The following LGI2 variants were observed in gnomAD, a reference collection of about 807,000 sequenced individuals.
LGI2 encodes leucine rich repeat LGI family member 2.
In LGI2, 30 loss-of-function variants were observed where a neutral mutation model predicts 52.0. That is an observed-to-expected ratio of 0.58 (90% CI 0.43 to 0.78). The LOEUF (loss-of-function observed/expected upper bound fraction) is 0.78, where lower values mean the gene tolerates loss of function less well. Ranked by LOEUF, LGI2 falls within the 30% of genes least tolerant of loss-of-function variation. LGI2 has a pLI of 0.00. For missense variants in LGI2, 573 were observed against 692.5 expected, an observed-to-expected ratio of 0.83 and a Z score of 1.94; for synonymous variants, 270 against 271.8, an observed-to-expected ratio of 0.99 and a Z score of 0.06.
chr4:25,012,072 T>C (rs1044077029), intron 7 of LGI2, among the ~76,000 whole-genome samples: 2 of 152,154 alleles, frequency 1.3e-5, no homozygotes, highest in Non-Finnish European at 2.9e-5. Flanking sequence ...TCACCACTAC[T>C]AGAAAATGCC....
chr4:24,999,971 G>A lies in LGI2; in HGVS notation c.*3480C>T, dbSNP rs753155286. The A allele has an allele frequency of 2.5e-6, 1 of 402,850 alleles. No individual in the cohort carries two copies. Among genetic ancestry groups the A allele is most frequent in the Non-Finnish European group, 5.1e-6 (1 of 197,112 alleles). The allele number at this position is 402,850 out of a possible 1,614,324, so 25.0% of individuals were successfully genotyped here. A position where few individuals can be genotyped will look rare whatever the true frequency, so the allele number is the denominator to read the frequency against. On this transcript the variant is annotated 3_prime_UTR_variant, in exon 8 of 8. Transcript: ENST00000382114. ...TCAACATCCTCCCCATAGCTATGCA[G>A]GGGGAGAAACAACCAGACCAGCTAG...
intron 3 of LGI2, 150 bp downstream of exon 3, chr4:25,026,718 A>G: frequency 7.7e-6 from 5 of 651,052 alleles, no homozygotes; most frequent in Admixed American, 2.5e-5. Flanking sequence ...CAAGTAAACT[A>G]TAAAAGGTCA....
Position 25,009,963 on chromosome 4 carries a change from T to C in LGI2, c.820+2372A>G, listed in dbSNP as rs543091859. ...TTTTATCTAGTTTATTCACTGCCGT[T>C]TCCCCAGCATCAAGAACATGCCTGG... is the stretch of plus-strand genomic sequence containing the variant. On this transcript the variant is annotated intron_variant, in intron 7 of 7. Coordinates refer to ENST00000382114, the MANE Select transcript of LGI2 (RefSeq NM_018176.4). Among the ~76,000 whole-genome samples the C allele has an allele frequency of 4.6e-5, 7 of 152,250 alleles. No homozygotes were observed. The South Asian group carries it at 1.5e-3, about 32-fold the overall frequency.
At chr4:24,993,951 T>C (rs966079454), downstream of LGI2, among the ~76,000 whole-genome samples, 1 of 152,190 alleles carries the variant, frequency 6.6e-6, no homozygotes, top group South Asian at 2.1e-4. Context: ...GATACTCCAC[T>C]TTGCTGAAAA....
rs533464898 is a variant in LGI2, at chr4:25,016,042, CAGA to C, written c.655+1944_655+1946del. On this transcript the variant is annotated intron_variant, in intron 6 of 7. Transcript: ENST00000382114. ...TCATGAAGACAAATACTGCATGAGA[CAGA>C]GAAGGCTCTAAAATGTGTTAAGGCC... Among the ~76,000 whole-genome samples the C allele has an allele frequency of 1.5e-3, 235 of 152,296 alleles. 2 individuals carry two copies. The highest frequency in any genetic ancestry group is 5.4e-3 in the African/African-American group (224 of 41,558).
At chr4:25,010,668 C>T (rs765438213) in intron 7 of LGI2, among the ~76,000 whole-genome samples, 1 of 152,194 alleles carries the variant, frequency 6.6e-6, no homozygotes, top group Non-Finnish European at 1.5e-5. Context: ...AAGAAGAGAG[C>T]TTTTGTCCTC....
chr4:25,020,638 C>T (rs1725925313), intron 4 of LGI2, among the ~76,000 whole-genome samples: 1 of 152,174 alleles, frequency 6.6e-6, no homozygotes, highest in Non-Finnish European at 1.5e-5. Flanking sequence ...ATCATAATGA[C>T]CCATCCCAGA....
intron 1 of LGI2, among the ~76,000 whole-genome samples, chr4:25,029,266 A>C (rs1459720729): frequency 6.6e-6 from 1 of 152,224 alleles, no homozygotes; most frequent in African/African-American, 2.4e-5. Context: ...GGATTTAATA[A>C]GGGGAACTCT....
downstream of LGI2, among the ~76,000 whole-genome samples, chr4:24,997,892 T>A (rs1725129114): frequency 6.6e-6 from 1 of 151,028 alleles, no homozygotes; most frequent in Non-Finnish European, 1.5e-5. Flanking sequence ...CATTTTTTTT[T>A]AAGAGATGGT....
chr4:25,014,703 T>C (rs1423428815), intron 6 of LGI2, among the ~76,000 whole-genome samples: 2 of 151,886 alleles, frequency 1.3e-5, no homozygotes, highest in Non-Finnish European at 1.5e-5. Context: ...TGATGGTGCA[T>C]GCCTGTAGTC....
chr4:25,007,185 T>C (rs925600423), intron 7 of LGI2, among the ~76,000 whole-genome samples: 1 of 152,228 alleles, frequency 6.6e-6, no homozygotes, highest in African/African-American at 2.4e-5. Context: ...TGCTCTACTG[T>C]TGGACATTGC....
chr4:25,019,520 C>T (rs1043160976), intron 4 of LGI2, among the ~76,000 whole-genome samples: 2 of 152,092 alleles, frequency 1.3e-5, no homozygotes, highest in Non-Finnish European at 2.9e-5. Flanking sequence ...AAAGTTCCTT[C>T]GGTGGCATGC....
chr4:25,027,222 A>G (rs575710341), intron 2 of LGI2, among the ~76,000 whole-genome samples: 43 of 152,264 alleles, frequency 2.8e-4, no homozygotes, highest in African/African-American at 1.0e-3. Flanking sequence ...TGACTTTAAA[A>G]CATTATAATG....
chr4:25,019,535 C>T (rs571862556), intron 4 of LGI2, among the ~76,000 whole-genome samples: 1 of 152,222 alleles, frequency 6.6e-6, no homozygotes, highest in Admixed American at 6.5e-5. Context: ...GCATGCAAGA[C>T]CCTTTATTGC....
rs16876553 is a variant in LGI2, at chr4:24,999,499, C to A, written c.*3952G>T. ...TACAACTAGATTATTGTATTCCACT[C>A]CAGGAAGCTGTTGAACAGAATCTTT... On this transcript the variant is annotated 3_prime_UTR_variant, in exon 8 of 8. Coordinates refer to ENST00000382114, the MANE Select transcript of LGI2 (RefSeq NM_018176.4). 0.036 allele frequency: 7,613 copies of A among 209,032 alleles called. 460 individuals are homozygous for A. The highest frequency in any genetic ancestry group is 0.22 in the East Asian group (1,473 of 6,552). The allele number at this position is 209,032 out of a possible 1,614,324, so 12.9% of individuals were successfully genotyped here.
intron 2 of LGI2, 54 bp from the exon 3 acceptor site, chr4:25,026,993 T>C: frequency 7.5e-7 from 1 of 1,328,574 alleles, no homozygotes; most frequent in Non-Finnish European, 1.1e-6. Context: ...AGTCACATGG[T>C]AAAGCCATTT....
At chr4:25,007,256 C>T (rs915728397) in intron 7 of LGI2, among the ~76,000 whole-genome samples, 22 of 81,442 alleles carry the variant, frequency 2.7e-4, no homozygotes, top group Non-Finnish European at 4.2e-4. Context: ...TGTTAAATAA[C>T]GTTTTGATAC....
At chr4:24,995,020 CA>C (rs1725025777), downstream of LGI2, among the ~76,000 whole-genome samples, 1 of 152,236 alleles carries the variant, frequency 6.6e-6, no homozygotes, top group Non-Finnish European at 1.5e-5. Flanking sequence ...GAAATGCCTT[CA>C]AGAAATCTCC....
In LGI2 at chr4:25,030,542, C is replaced by A; in HGVS notation, c.152G>T (p.Gly51Val). ...SCTKESIICV[G>V]SSWVPRIVPG... The stretch of plus-strand genomic sequence containing the variant: ...CACGATCCTGGGCACCCAGGAAGAG[C>A]CCACGCAGATGATAGACTCCTTGGT... The change falls in exon 1 of 8, where the codon GGC (glycine) becomes GTC (valine). Residue 51 changes from glycine to valine, a missense_variant. Gly to Val is a moderately radical substitution (Grantham distance 109, BLOSUM62 -3). Transcript: ENST00000382114. The A allele has an allele frequency of 6.3e-7, 1 of 1,596,506 alleles. No individual in the cohort carries two copies. Among genetic ancestry groups the A allele is most frequent in the Non-Finnish European group, 8.5e-7 (1 of 1,173,302 alleles).
Sources: allele counts gnomAD v4.1 joint callset (sites outside exome capture counted in the v4.1 genomes callset), GRCh38; gene constraint gnomAD v4.1.1; transcripts MANE v1.5; gene names NCBI Gene and HGNC (gene_info 2026-07-23, HGNC 2026-07-21).